Variants in ARFGEF1 observed in about 807,000 individuals in gnomAD.
ARFGEF1 encodes ARF guanine nucleotide exchange factor 1.
Under a neutral mutation model 231.0 loss-of-function variants are expected in ARFGEF1, and 42 were observed. The ratio of observed to expected loss-of-function variants is 0.18; its 90% confidence interval spans 0.14 to 0.24. ARFGEF1 has a LOEUF of 0.24. Among genes scored for constraint, ARFGEF1 ranks in the 10% least tolerant of loss-of-function variants. The pLI, the probability that ARFGEF1 is intolerant of heterozygous loss-of-function variation, is 1.00. For missense variants in ARFGEF1, 1,345 were observed against 2,192.0 expected, an observed-to-expected ratio of 0.61 and a Z score of 7.72; for synonymous variants, 710 against 732.3, an observed-to-expected ratio of 0.97 and a Z score of 0.49.
At chr8:67,195,215 AGGGTG>A (rs1335747281), downstream of ARFGEF1, among the ~76,000 whole-genome samples, 2 of 152,022 alleles carry the variant, frequency 1.3e-5, no homozygotes, top group East Asian at 2.0e-4. Context: ...CCTCTAAAAT[AGGGTG>A]GGGTGGGGTG....
chr8:67,222,221 A>ATGTGTG (rs71249425), intron 29 of ARFGEF1, among the ~76,000 whole-genome samples: 3 of 114,202 alleles, frequency 2.6e-5, no homozygotes, highest in Non-Finnish European at 5.2e-5. Flanking sequence ...ACATATATAT[A>ATGTGTG]TATGTATATG....
chr8:67,196,857 G>C (rs1831496441), downstream of ARFGEF1, among the ~76,000 whole-genome samples: 1 of 152,132 alleles, frequency 6.6e-6, no homozygotes, highest in Non-Finnish European at 1.5e-5. Flanking sequence ...CTTGAACACA[G>C]CTAGAGCTGT....
At chr8:67,180,123 G>A (rs1211923546) in intron 5 of ARFGEF1, among the ~76,000 whole-genome samples, 5 of 151,962 alleles carry the variant, frequency 3.3e-5, no homozygotes, top group African/African-American at 1.2e-4. Flanking sequence ...AAAGTCTTAG[G>A]AATAGTTGAC....
chr8:67,175,306 A>G (rs1429114238), downstream of ARFGEF1: 2 of 1,609,808 alleles, frequency 1.2e-6, no homozygotes, highest in East Asian at 4.5e-5. Context: ...ATTCAGAAAC[A>G]CGAGTTGATC....
At chr8:67,272,417 C>T (rs1385818155) in intron 9 of ARFGEF1, among the ~76,000 whole-genome samples, 4 of 152,028 alleles carry the variant, frequency 2.6e-5, no homozygotes, top group African/African-American at 9.7e-5. Flanking sequence ...CCACCCACCT[C>T]GGCCTCCCAA....
chr8:67,210,943 C>T (rs1470877275), intron 34 of ARFGEF1, among the ~76,000 whole-genome samples: 2 of 151,018 alleles, frequency 1.3e-5, no homozygotes, highest in African/African-American at 2.4e-5. Context: ...ATCCCAGCTA[C>T]TCGGGAGGCT....
At chr8:67,214,905 A>C (rs995670396) in intron 33 of ARFGEF1, among the ~76,000 whole-genome samples, 8 of 152,224 alleles carry the variant, frequency 5.3e-5, no homozygotes, top group African/African-American at 1.9e-4. Flanking sequence ...AGAACAACTG[A>C]GAGTGTAGGG....
At chr8:67,239,623 G>A (rs187161605) in intron 20 of ARFGEF1, among the ~76,000 whole-genome samples, 7 of 151,886 alleles carry the variant, frequency 4.6e-5, no homozygotes, top group African/African-American at 1.7e-4. Context: ...TTTCTCCACA[G>A]CTACGCTATA....
At chr8:67,315,260 A>C (rs1296320350) in intron 1 of ARFGEF1, among the ~76,000 whole-genome samples, 1 of 152,202 alleles carries the variant, frequency 6.6e-6, no homozygotes, top group African/African-American at 2.4e-5. Context: ...ATAACATGAA[A>C]TTGAAATGGA....
chr8:67,296,644 TTTTC>T (rs1806246222), intron 4 of ARFGEF1, 34 bp from the exon 5 acceptor site: 6 of 1,513,006 alleles, frequency 4.0e-6, no homozygotes, highest in Non-Finnish European at 5.3e-6. Flanking sequence ...GTTAAAGAGA[TTTTC>T]TTTTTCTTTT....
intron 22 of ARFGEF1, among the ~76,000 whole-genome samples, chr8:67,236,747 G>T (rs926504911): frequency 3.9e-5 from 6 of 152,088 alleles, no homozygotes; most frequent in African/African-American, 1.4e-4. Flanking sequence ...TAAAATAAGT[G>T]TTACTGGTCT....
In ARFGEF1 at chr8:67,302,437, T is replaced by C; in HGVS notation, c.154A>G (p.Ser52Gly). Residue 52 changes from serine to glycine, a missense_variant and splice_region_variant, in exon 2 of 39, where the codon AGT becomes GGT. Coordinates refer to ENST00000262215, the MANE Select transcript of ARFGEF1 (RefSeq NM_006421.5). ...CTAAAGAAAAGAAATCCCACAAACC[T>C]CTGTTTTTCAGTTTCCGCTTTTATT... ...EEIKAETEKQ[S>G]PPHGEAKAGS... is the part of the protein sequence containing the mutation. 1 of 1,571,726 alleles carries C rather than the reference T, an allele frequency of 6.4e-7. No homozygotes were observed. The highest frequency in any genetic ancestry group is 8.6e-7 in the Non-Finnish European group (1 of 1,163,412).
intron 7 of ARFGEF1, among the ~76,000 whole-genome samples, chr8:67,283,577 C>A (rs541546550): frequency 6.6e-6 from 1 of 151,610 alleles, no homozygotes; most frequent in African/African-American, 2.4e-5. Flanking sequence ...AAGACTTGGG[C>A]GAATGATAAA....
chr8:67,284,052 T>C (rs548926869), intron 7 of ARFGEF1, among the ~76,000 whole-genome samples: 8 of 152,302 alleles, frequency 5.3e-5, no homozygotes, highest in African/African-American at 1.9e-4. Flanking sequence ...CAGCATTATT[T>C]GTAACAGCAA....
At chr8:67,304,617 A>C (rs1806651894) in intron 1 of ARFGEF1, among the ~76,000 whole-genome samples, 1 of 152,218 alleles carries the variant, frequency 6.6e-6, no homozygotes, top group Non-Finnish European at 1.5e-5. Context: ...ACTTGAGGTC[A>C]GGAATTTGAG....
intron 1 of ARFGEF1, among the ~76,000 whole-genome samples, chr8:67,342,587 A>C (rs981985876): frequency 6.6e-6 from 1 of 152,054 alleles, no homozygotes; most frequent in Admixed American, 6.6e-5. Flanking sequence ...GTCAGATACA[A>C]TATTACTCTA....
At chr8:67,268,984 G>C (rs1232687610) in intron 10 of ARFGEF1, among the ~76,000 whole-genome samples, 1 of 152,090 alleles carries the variant, frequency 6.6e-6, no homozygotes, top group African/African-American at 2.4e-5. Flanking sequence ...AAAAATTTTA[G>C]CTACTATCAA....
At chr8:67,277,165 A>G in intron 8 of ARFGEF1, 117 bp downstream of exon 8, 1 of 1,068,052 alleles carries the variant, frequency 9.4e-7, no homozygotes, top group Non-Finnish European at 1.3e-6. Context: ...TATTTCCCCA[A>G]ACTAAATAAA....
rs773325964 is a variant in ARFGEF1, at chr8:67,292,142, T to A, written c.640-19A>T. 1.9e-6 allele frequency: 3 copies of A among 1,599,458 alleles called. No homozygotes were observed. The highest frequency in any genetic ancestry group is 2.6e-6 in the Non-Finnish European group (3 of 1,173,004). ...CCTGTAACTGGAAATAAATAAAATT[T>A]CCAATATTAGTAAAATAAGTTGTTT... On this transcript the variant is annotated intron_variant, in intron 5 of 38. Coordinates refer to ENST00000262215, the MANE Select transcript of ARFGEF1 (RefSeq NM_006421.5).
Sources: allele counts gnomAD v4.1 joint callset (sites outside exome capture counted in the v4.1 genomes callset), GRCh38; gene constraint gnomAD v4.1.1; transcripts MANE v1.5; gene names NCBI Gene and HGNC (gene_info 2026-07-23, HGNC 2026-07-21).